ESR2: variants seen among roughly 807,000 people sequenced by gnomAD.
The protein encoded by ESR2 is estrogen receptor 2.
ESR2 carries 36 observed loss-of-function variants against 49.6 expected under a neutral mutation model. The observed-to-expected ratio is 0.73, with a 90% CI of 0.56 to 0.96. ESR2 has a LOEUF of 0.96. Among genes scored for constraint, ESR2 ranks in the 40% least tolerant of loss-of-function variants. ESR2 has a pLI of 0.00. For synonymous variants in ESR2, 320 were observed against 266.1 expected (o/e 1.20, Z -1.97); for missense variants, 714 against 693.0 (o/e 1.03, Z -0.34).
At chr14:64,269,004 G>A in intron 3 of ESR2, 93 bp from the exon 4 acceptor site, 1 of 763,478 alleles carries the variant, frequency 1.3e-6, no homozygotes, top group Non-Finnish European at 2.3e-6. Context: ...CTTTCCAGCT[G>A]AGAGATAGGG....
chr14:64,310,790 C>T (rs940401712), intron 1 of ESR2, among the ~76,000 whole-genome samples: 2 of 152,118 alleles, frequency 1.3e-5, no homozygotes, highest in African/African-American at 4.8e-5. Flanking sequence ...ACAGTACTTT[C>T]CTTTGCTTTA....
At chr14:64,308,160 G>T (rs769587232) in intron 1 of ESR2, among the ~76,000 whole-genome samples, 1 of 152,024 alleles carries the variant, frequency 6.6e-6, no homozygotes, top group African/African-American at 2.4e-5. Context: ...GACCACAAGT[G>T]CATGACACCC....
chr14:64,250,395 C>G (rs2140681410), intron 6 of ESR2, among the ~76,000 whole-genome samples: 1 of 152,270 alleles, frequency 6.6e-6, no homozygotes, highest in Non-Finnish European at 1.5e-5. Flanking sequence ...TTGGAGCACT[C>G]CTTGTAGAAA....
At chr14:64,263,513 C>G (rs933164360) in intron 4 of ESR2, among the ~76,000 whole-genome samples, 1 of 152,012 alleles carries the variant, frequency 6.6e-6, no homozygotes, top group African/African-American at 2.4e-5. Context: ...AAAAATTACC[C>G]AGGCATGGTG....
intron 8 of ESR2, 67 bp from the exon 9 acceptor site, chr14:64,233,390 C>T (rs1228153295): frequency 2.0e-6 from 3 of 1,513,166 alleles, no homozygotes; most frequent in Middle Eastern, 1.8e-4. Context: ...GAAGCCTTCC[C>T]CGGCTCTCTT....
At chr14:64,275,861 T>G (rs966976188) in intron 3 of ESR2, among the ~76,000 whole-genome samples, 1 of 152,214 alleles carries the variant, frequency 6.6e-6, no homozygotes, top group Admixed American at 6.5e-5. Context: ...ATAGGTAAAT[T>G]TTATTGTATG....
At chr14:64,303,090 G>C (rs538950120) in intron 1 of ESR2, among the ~76,000 whole-genome samples, 5 of 151,920 alleles carry the variant, frequency 3.3e-5, no homozygotes, top group Admixed American at 2.0e-4. Flanking sequence ...ATGAGCCACC[G>C]CGCCCAGCCA....
At chr14:64,312,402 C>A (rs919203095) in intron 1 of ESR2, among the ~76,000 whole-genome samples, 38 of 152,094 alleles carry the variant, frequency 2.5e-4, no homozygotes, top group African/African-American at 8.9e-4. Context: ...ACCAGTTAGG[C>A]CGGGCGCAGT....
At chr14:64,304,846 A>C (rs2077069023) in intron 1 of ESR2, among the ~76,000 whole-genome samples, 1 of 152,138 alleles carries the variant, frequency 6.6e-6, no homozygotes, top group South Asian at 2.1e-4. Flanking sequence ...ACTGCACTCT[A>C]GCCTGGGCAA....
intron 6 of ESR2, among the ~76,000 whole-genome samples, chr14:64,252,910 C>T (rs149819330): frequency 1.5e-3 from 229 of 152,188 alleles, no homozygotes; most frequent in African/African-American, 5.4e-3. Context: ...GACTGGAGTG[C>T]AGTGGCATGA....
chr14:64,241,277 C>T (rs960616556), intron 7 of ESR2, among the ~76,000 whole-genome samples: 2 of 151,880 alleles, frequency 1.3e-5, no homozygotes, highest in African/African-American at 2.4e-5. Context: ...ATCACCCCAT[C>T]ATAAATTGAG....
At position 64,234,650 on chromosome 14, in the gene ESR2, T is replaced by TA. The variant is rs1220351840; in HGVS notation, c.1406+319dup. The TA allele has an allele frequency of 1.1e-5, 5 of 464,700 alleles. No homozygotes were observed. The East Asian group carries it at 1.7e-4, about 15-fold the overall frequency. 28.8% of individuals were successfully genotyped at this position (464,700 alleles called of 1,614,324 possible). Reference sequence around the variant, plus strand: ...CTCAGGGCCTCAGCCCTGGGTGGTGTAAACAGGGGTGGCAGTTCGTGTTAG... The same window carrying TA: ...CTCAGGGCCTCAGCCCTGGGTGGTGTAAAACAGGGGTGGCAGTTCGTGTTAG... On this transcript the variant is annotated intron_variant, in intron 8 of 8. Coordinates refer to ENST00000341099, the MANE Select transcript of ESR2 (RefSeq NM_001437.3).
chr14:64,306,256 C>T (rs997455377), intron 1 of ESR2, among the ~76,000 whole-genome samples: 1 of 151,766 alleles, frequency 6.6e-6, no homozygotes, highest in Non-Finnish European at 1.5e-5. Context: ...CTACATTGTG[C>T]AAGAAACACC....
chr14:64,258,781 T>C (rs964064005), intron 5 of ESR2, among the ~76,000 whole-genome samples: 2 of 152,192 alleles, frequency 1.3e-5, no homozygotes, highest in Non-Finnish European at 2.9e-5. Context: ...CCCATAGTGA[T>C]TGACAATAAG....
chr14:64,277,960 A>G (rs1345110341), intron 3 of ESR2, among the ~76,000 whole-genome samples: 3 of 118,438 alleles, frequency 2.5e-5, no homozygotes, highest in Non-Finnish European at 5.1e-5. Context: ...AAGCAGACCA[A>G]TGTTTCCCCA....
chr14:64,316,804 A>G (rs1196435957), intron 1 of ESR2, among the ~76,000 whole-genome samples: 1 of 152,154 alleles, frequency 6.6e-6, no homozygotes, highest in Non-Finnish European at 1.5e-5. Context: ...CTAAGACTCC[A>G]TCTCAAAAAA....
intron 1 of ESR2, chr14:64,336,016 TGTGTGTGTA>T (rs2077527347): frequency 6.0e-5 from 9 of 149,558 alleles, no homozygotes; most frequent in Admixed American, 4.0e-4. Context: ...TGTGTGTGTG[TGTGTGTGTA>T]TTTTTAATAG....
chr14:64,304,927 G>C (rs957424332), intron 1 of ESR2, among the ~76,000 whole-genome samples: 1 of 151,912 alleles, frequency 6.6e-6, no homozygotes, highest in African/African-American at 2.4e-5. Context: ...AATTTAAAAA[G>C]TTAAAACTGG....
intron 3 of ESR2, 83 bp from the exon 4 acceptor site, chr14:64,268,994 C>A: frequency 1.2e-6 from 1 of 820,632 alleles, no homozygotes. Context: ...ACTGATAACA[C>A]TTTCCAGCTG....
Sources: gnomAD v4.1 joint callset for allele counts (sites outside exome capture counted in the v4.1 genomes callset) on GRCh38, gnomAD v4.1.1 for gene constraint, MANE v1.5 for transcripts, NCBI Gene and HGNC (gene_info 2026-07-23, HGNC 2026-07-21) for gene names.